Variants in PRPH observed in about 807,000 individuals in gnomAD.
PRPH encodes peripherin, also known as neurofilament 4 (57kD).
A neutral mutation model predicts 52.6 loss-of-function variants in PRPH; 48 were observed. That is an observed-to-expected ratio of 0.91 (90% CI 0.72 to 1.16). The LOEUF is 1.16. Among genes scored for constraint, PRPH ranks in the 50% most tolerant of loss-of-function variants. The pLI, the probability that PRPH is intolerant of heterozygous loss-of-function variation, is 0.00. For missense variants in PRPH, 579 were observed against 635.7 expected, an observed-to-expected ratio of 0.91 and a Z score of 0.96; for synonymous variants, 279 against 283.8, an observed-to-expected ratio of 0.98 and a Z score of 0.17.
rs1242110424 is a variant in PRPH, at chr12:49,295,559, A to C, written c.359A>C (p.Gln120Pro). 1.3e-6 allele frequency: 2 copies of C among 1,574,348 alleles called. No individual in the cohort carries two copies. Among genetic ancestry groups the C allele is most frequent in the East Asian group, 2.3e-5 (1 of 42,990 alleles). ...ATCGAGAAGGTACGCTTTCTGGAGC[A>C]GCAGAACGCGGCCCTGCGCGGGGAG... ...NFIEKVRFLE[Q>P]QNAALRGELS... Residue 120 changes from glutamine to proline, a missense_variant, in exon 1 of 9, where the codon CAG becomes CCG. Physicochemically the swap from Gln to Pro is moderately conservative, Grantham distance 76. Coordinates refer to ENST00000257860, the MANE Select transcript of PRPH (RefSeq NM_006262.4).
chr12:49,296,354 C>T lies in PRPH; in HGVS notation c.607-78C>T. 1 of 1,567,000 alleles carries T rather than the reference C, an allele frequency of 6.4e-7. No homozygotes were observed. The highest frequency in any genetic ancestry group is 8.8e-7 in the Non-Finnish European group (1 of 1,141,470). ...GGGGTAACCCAGATGCCTCCTGAGGCAGACAGGGAAGGCCTGGTCCTTCCT... is the reference window on the plus strand; with the variant it reads ...GGGGTAACCCAGATGCCTCCTGAGGTAGACAGGGAAGGCCTGGTCCTTCCT... On this transcript the variant is annotated intron_variant, in intron 2 of 8. Coordinates refer to ENST00000257860, the MANE Select transcript of PRPH (RefSeq NM_006262.4). This position sits in a 1 kb window ranked among gnomAD's most constrained non-coding sequence, Gnocchi z 5.1.
rs1443460916 is a variant in PRPH at position 49,296,448 on chromosome 12, C to T, written c.623C>T (p.Thr208Ile). The part of the protein sequence containing the change: ...VLFRKDVDDA[T>I]LSRLELERKI... ...CCCTCGAAGGACGTGGACGATGCCA[C>T]TCTGTCCCGCCTGGAACTAGAGCGC... Residue 208 changes from threonine to isoleucine, a missense_variant, in exon 3 of 9, where the codon ACT becomes ATT. Transcript: ENST00000257860. The surrounding 1 kb of genome is among the most constrained non-coding windows in gnomAD (Gnocchi z 5.1). 3.7e-6 allele frequency: 6 copies of T among 1,614,080 alleles called. No homozygotes were observed. Among genetic ancestry groups the T allele is most frequent in the Non-Finnish European group, 5.1e-6 (6 of 1,180,040 alleles).
At position 49,296,640 on chromosome 12, in the gene PRPH, C is replaced by T; in HGVS notation, c.702+113C>T. The stretch of plus-strand genomic sequence containing the variant: ...GGATCAGGACGATGCTGGGTAGACG[C>T]AGCCCCTCCACCCTAGTCTACAGGT... On this transcript the variant is annotated intron_variant, in intron 3 of 8. Coordinates refer to ENST00000257860, the MANE Select transcript of PRPH (RefSeq NM_006262.4). The surrounding 1 kb of genome is among the most constrained non-coding windows in gnomAD (Gnocchi z 5.1). 1 of 1,140,992 alleles carries T rather than the reference C, an allele frequency of 8.8e-7. No individual in the cohort carries two copies. 70.7% of individuals were successfully genotyped at this position (1,140,992 alleles called of 1,614,324 possible).
At position 49,296,128 on chromosome 12, in the gene PRPH, G is replaced by C; in HGVS notation, c.546-50G>C. 2 of 1,584,280 alleles carry C rather than the reference G, an allele frequency of 1.3e-6. No individual in the cohort carries two copies. Among genetic ancestry groups the C allele is most frequent in the South Asian group, 2.3e-5 (2 of 88,086 alleles). Reference sequence around the variant, plus strand: ...CTGGGGGGCGTGCGGTCTGGGGTGCGAGCTGGGCGGCGACCCCGCAGTTCA... The same window carrying C: ...CTGGGGGGCGTGCGGTCTGGGGTGCCAGCTGGGCGGCGACCCCGCAGTTCA... On this transcript the variant is annotated intron_variant, in intron 1 of 8. Transcript: ENST00000257860. The surrounding 1 kb of genome is among the most constrained non-coding windows in gnomAD (Gnocchi z 5.1).
rs1271424867 is a variant in PRPH, at chr12:49,296,979, C to T, written c.793C>T (p.Leu265=). 1 of 1,613,732 alleles carries T rather than the reference C, an allele frequency of 6.2e-7. No homozygotes were observed. The change falls in exon 4 of 9, where the codon CTG becomes TTG. Residue 265 remains leucine (L), a synonymous_variant. Transcript: ENST00000257860. This position sits in a 1 kb window ranked among gnomAD's most constrained non-coding sequence, Gnocchi z 5.1. ...GGTGAAGCCCGAGCTGACGGCAGCG[C>T]TGAGGGACATCCGCGCGCAGTACGA... The part of the protein sequence containing the change: ...ATVKPELTAA[L]RDIRAQYESI...
chr12:49,296,077 GC>G lies in PRPH; in HGVS notation c.546-100del. ...CTCAGCCCTCCATTTAGAGTCCTGG[GC>G]AGCAGAACAGCCTCTAACCGGATCC... is the stretch of plus-strand genomic sequence containing the variant. On this transcript the variant is annotated intron_variant, in intron 1 of 8. Transcript: ENST00000257860. The surrounding 1 kb of genome is among the most constrained non-coding windows in gnomAD (Gnocchi z 5.1). 1 of 1,387,308 alleles carries G rather than the reference GC, an allele frequency of 7.2e-7. No individual in the cohort carries two copies. Among genetic ancestry groups the G allele is most frequent in the Non-Finnish European group, 9.9e-7 (1 of 1,005,986 alleles). The allele number at this position is 1,387,308 out of a possible 1,614,324, so 85.9% of individuals were successfully genotyped here. A position where few individuals can be genotyped will look rare whatever the true frequency, so the allele number is the denominator to read the frequency against.
chr12:49,297,453 C>T lies in PRPH; in HGVS notation c.1093C>T (p.Leu365=), dbSNP rs763994010. 2.5e-6 allele frequency: 4 copies of T among 1,611,304 alleles called. No homozygotes were observed. The highest frequency in any genetic ancestry group is 2.5e-6 in the Non-Finnish European group (3 of 1,179,682). ...GGGCGCTGCGCGGCTCGAGGAGGAG[C>T]TGCGACAGCTAAAAGAGGAGATGGC... ...QAGAARLEEE[L]RQLKEEMARH... is the part of the protein sequence containing the mutation. Residue 365 remains leucine (L), a synonymous_variant, in exon 6 of 9, where the codon CTG becomes TTG. Transcript: ENST00000257860. This position sits in a 1 kb window ranked among gnomAD's most constrained non-coding sequence, Gnocchi z 4.4.
rs565637929 is a variant in PRPH at position 49,298,590 on chromosome 12, C to A, written c.*237C>A. 3.6e-6 allele frequency: 2 copies of A among 555,546 alleles called. No homozygotes were observed. The highest frequency in any genetic ancestry group is 4.1e-5 in the South Asian group (2 of 48,890). The allele number at this position is 555,546 out of a possible 1,614,324, so 34.4% of individuals were successfully genotyped here. The stretch of plus-strand genomic sequence containing the variant: ...ATGTCCCGATAAGAAGCCAATGATC[C>A]CCCCTCAGGACAAATCTACTCCAGC... On this transcript the variant is annotated 3_prime_UTR_variant, in exon 9 of 9. Coordinates refer to ENST00000257860, the MANE Select transcript of PRPH (RefSeq NM_006262.4).
At chr12:49,298,135 T>C (rs1424788593) in intron 8 of PRPH, 98 bp downstream of exon 8, 7 of 1,498,810 alleles carry the variant, frequency 4.7e-6, no homozygotes, top group Non-Finnish European at 9.2e-7. Context: ...TGGGTAATTC[T>C]TGGGGAGAGA....
In PRPH at chr12:49,295,213, C is replaced by A. The variant is rs1471229386; in HGVS notation, c.13C>A (p.Pro5Thr). MSHH[P>T]SGLRAGFSST... is the part of the protein sequence containing the mutation. The stretch of plus-strand genomic sequence containing the variant: ...ATCCTTGGCCGCAATGAGCCACCAC[C>A]CGTCGGGCCTCCGGGCCGGCTTCAG... The change falls in exon 1 of 9, where the codon CCG (proline) becomes ACG (threonine). Residue 5 changes from proline (P) to threonine (T), a missense_variant. By Grantham distance (38) the Pro-to-Thr change is conservative. Transcript: ENST00000257860. 2 of 1,611,380 alleles carry A rather than the reference C, an allele frequency of 1.2e-6. No individual in the cohort carries two copies. Among genetic ancestry groups the A allele is most frequent in the Non-Finnish European group, 1.7e-6 (2 of 1,179,590 alleles).
At position 49,297,471 on chromosome 12, in the gene PRPH, G is replaced by C; in HGVS notation, c.1111G>C (p.Glu371Gln). ...LEEELRQLKE[E>Q]MARHLREYQE... ...GGAGGAGCTGCGACAGCTAAAAGAGGAGATGGCGCGGCACCTGAGGGAGTA... is the reference window on the plus strand; with the variant it reads ...GGAGGAGCTGCGACAGCTAAAAGAGCAGATGGCGCGGCACCTGAGGGAGTA... The change falls in exon 6 of 9, where the codon GAG becomes CAG. Residue 371 changes from glutamate to glutamine, a missense_variant. By Grantham distance (29) the Glu-to-Gln change is conservative (BLOSUM62 2). Transcript: ENST00000257860. This position sits in a 1 kb window ranked among gnomAD's most constrained non-coding sequence, Gnocchi z 4.4. 1.9e-6 allele frequency: 3 copies of C among 1,612,718 alleles called. No individual in the cohort carries two copies. Among genetic ancestry groups the C allele is most frequent in the African/African-American group, 2.7e-5 (2 of 75,032 alleles).
In PRPH at chr12:49,296,030, C is replaced by A; in HGVS notation, c.546-148C>A. ...AGCTCCCAGTCCGTTAGAGACAATG[C>A]GGGGCAATTCCATTAGACAGCCTCA... On this transcript the variant is annotated intron_variant, in intron 1 of 8. Coordinates refer to ENST00000257860, the MANE Select transcript of PRPH (RefSeq NM_006262.4). The surrounding 1 kb of genome is among the most constrained non-coding windows in gnomAD (Gnocchi z 5.1). 1.5e-6 allele frequency: 2 copies of A among 1,315,834 alleles called. No individual in the cohort carries two copies. The allele number at this position is 1,315,834 out of a possible 1,614,324, so 81.5% of individuals were successfully genotyped here. A position where few individuals can be genotyped will look rare whatever the true frequency, so the allele number is the denominator to read the frequency against.
chr12:49,297,420 TACCAGGCGG>T lies in PRPH; in HGVS notation c.1061_1069del (p.Tyr354_Gly357delinsCys). 1 of 1,613,170 alleles carries T rather than the reference TACCAGGCGG, an allele frequency of 6.2e-7. No homozygotes were observed. On this transcript the variant is annotated inframe_deletion, in exon 6 of 9. Transcript: ENST00000257860. This position sits in a 1 kb window ranked among gnomAD's most constrained non-coding sequence, Gnocchi z 4.4. ...GCAGTTCGCCCTGGAGGCGGGGGGC[TACCAGGCGG>T]GCGCTGCGCGGCTCGAGGAGGAGCT...
rs773379207 is a variant in PRPH, at chr12:49,296,220, C to T, written c.588C>T (p.Asn196=). Residue 196 remains asparagine (N), a synonymous_variant, in exon 2 of 9, where the codon AAC becomes AAT. Coordinates refer to ENST00000257860, the MANE Select transcript of PRPH (RefSeq NM_006262.4). This position sits in a 1 kb window ranked among gnomAD's most constrained non-coding sequence, Gnocchi z 5.1. ...GCAAGCGGGAGGACGCGGAGCACAACCTCGTGCTCTTCCGCAAGGTGAGTC... is the reference window on the plus strand; with the variant it reads ...GCAAGCGGGAGGACGCGGAGCACAATCTCGTGCTCTTCCGCAAGGTGAGTC... ...ETRKREDAEH[N]LVLFRKDVDD... is the part of the protein sequence containing the mutation. 1.5e-5 allele frequency: 24 copies of T among 1,613,166 alleles called. No homozygotes were observed. The Admixed American group carries it at 3.7e-4, about 25-fold the overall frequency.
In PRPH at chr12:49,295,515, C is replaced by T; in HGVS notation, c.315C>T (p.Asn105=). 2 of 1,603,888 alleles carry T rather than the reference C, an allele frequency of 1.2e-6. No individual in the cohort carries two copies. Among genetic ancestry groups the T allele is most frequent in the Middle Eastern group, 1.7e-4 (1 of 6,044 alleles). ...AGAAGCAGGAGCTGCAGGAGCTCAA[C>T]GACCGCTTCGCCAACTTCATCGAGA... ...SNEKQELQEL[N]DRFANFIEKV... is the part of the protein sequence containing the mutation. Residue 105 remains asparagine, a synonymous_variant, in exon 1 of 9, where the codon AAC becomes AAT. Transcript: ENST00000257860.
chr12:49,296,489 A>G lies in PRPH; in HGVS notation c.664A>G (p.Met222Val). The G allele has an allele frequency of 6.2e-7, 1 of 1,614,156 alleles. No individual in the cohort carries two copies. Among genetic ancestry groups the G allele is most frequent in the Non-Finnish European group, 8.5e-7 (1 of 1,180,020 alleles). Residue 222 changes from methionine to valine, a missense_variant, in exon 3 of 9, where the codon ATG becomes GTG. Met to Val is a conservative substitution (Grantham distance 21). Transcript: ENST00000257860. The surrounding 1 kb of genome is among the most constrained non-coding windows in gnomAD (Gnocchi z 5.1). ...LELERKIESL[M>V]DEIEFLKKLH... Reference sequence around the variant, plus strand: ...ACTAGAGCGCAAGATTGAGTCTCTGATGGATGAGATTGAGTTCCTCAAGAA... The same window carrying G: ...ACTAGAGCGCAAGATTGAGTCTCTGGTGGATGAGATTGAGTTCCTCAAGAA...
Position 49,296,503 on chromosome 12 carries a change from G to T in PRPH, c.678G>T (p.Glu226Asp). Residue 226 changes from glutamate (E) to aspartate (D), a missense_variant, in exon 3 of 9, where the codon GAG (glutamate) becomes GAT (aspartate). Coordinates refer to ENST00000257860, the MANE Select transcript of PRPH (RefSeq NM_006262.4). The surrounding 1 kb of genome is among the most constrained non-coding windows in gnomAD (Gnocchi z 5.1). ...RKIESLMDEIEFLKKLHEEEL... is the reference protein window; with the variant it reads ...RKIESLMDEIDFLKKLHEEEL... ...TTGAGTCTCTGATGGATGAGATTGA[G>T]TTCCTCAAGAAGCTGCACGAGGAGG... 3 of 1,614,194 alleles carry T rather than the reference G, an allele frequency of 1.9e-6. No individual in the cohort carries two copies. The highest frequency in any genetic ancestry group is 2.5e-6 in the Non-Finnish European group (3 of 1,180,034).
At position 49,297,065 on chromosome 12, in the gene PRPH, GC is replaced by G; in HGVS notation, c.870+11del. On this transcript the variant is annotated intron_variant, in intron 4 of 8. Coordinates refer to ENST00000257860, the MANE Select transcript of PRPH (RefSeq NM_006262.4). The surrounding 1 kb of genome is among the most constrained non-coding windows in gnomAD (Gnocchi z 4.4). ...AGTGGTACAAGTCCAAGGTGCAAGA[GC>G]CGGGAGGGCCTGCGAGGCGGGACGC... 1.9e-6 allele frequency: 3 copies of G among 1,613,902 alleles called. No individual in the cohort carries two copies. The highest frequency in any genetic ancestry group is 1.7e-6 in the Non-Finnish European group (2 of 1,179,954).
chr12:49,298,544 G>A lies in PRPH; in HGVS notation c.*191G>A, dbSNP rs765868736. On this transcript the variant is annotated 3_prime_UTR_variant, in exon 9 of 9. Coordinates refer to ENST00000257860, the MANE Select transcript of PRPH (RefSeq NM_006262.4). ...CTCTCCCTGCCCTGACACTTGATGT[G>A]ACCTATGTGCTTCCCTTTTCATGTC... 1 of 617,232 alleles carries A rather than the reference G, an allele frequency of 1.6e-6. No individual in the cohort carries two copies. Among genetic ancestry groups the A allele is most frequent in the Non-Finnish European group, 2.9e-6 (1 of 344,932 alleles). The allele number at this position is 617,232 out of a possible 1,614,324, so 38.2% of individuals were successfully genotyped here.
Sources: gnomAD v4.1 joint callset for allele counts on GRCh38, gnomAD v4.1.1 for gene constraint, Gnocchi (gnomAD v3.1) non-coding constraint, MANE v1.5 for transcripts, NCBI Gene and HGNC (gene_info 2026-07-23, HGNC 2026-07-21) for gene names.